Variants in CIT observed in about 807,000 individuals in gnomAD.
The protein encoded by CIT is citron rho-interacting serine/threonine kinase, also known as citron Rho-interacting kinase.
A neutral mutation model predicts 272.7 loss-of-function variants in CIT; 79 were observed. That is an observed-to-expected ratio of 0.29 (90% CI 0.24 to 0.35). CIT has a LOEUF of 0.35. Ranked by LOEUF, CIT falls within the 10% of genes least tolerant of loss-of-function variation. The pLI is 1.00. For synonymous variants in CIT, 948 were observed against 995.6 expected, an observed-to-expected ratio of 0.95 and a Z score of 0.90; for missense variants, 1,909 against 2,618.3, an observed-to-expected ratio of 0.73 and a Z score of 5.91.
chr12:119,860,193 TATA>T (rs1180229846), intron 3 of CIT, among the ~76,000 whole-genome samples: 1 of 152,082 alleles, frequency 6.6e-6, no homozygotes, highest in African/African-American at 2.4e-5. Flanking sequence ...GTCAGAGGCT[TATA>T]ATGAGTGCCG....
chr12:119,767,912 C>CTT (rs746988178), intron 18 of CIT, among the ~76,000 whole-genome samples: 2 of 136,256 alleles, frequency 1.5e-5, no homozygotes, highest in Non-Finnish European at 3.2e-5. Context: ...AAGTTTCCAG[C>CTT]TTTTTTTTTT....
chr12:119,708,127 T>C (rs1956971704), intron 40 of CIT, 52 bp downstream of exon 40: 10 of 1,451,110 alleles, frequency 6.9e-6, no homozygotes, highest in Non-Finnish European at 1.8e-6. Flanking sequence ...GGAAGAGAGG[T>C]AGTGTCAATT....
At chr12:119,849,828 G>A (rs1970083614) in intron 5 of CIT, among the ~76,000 whole-genome samples, 3 of 152,036 alleles carry the variant, frequency 2.0e-5, no homozygotes, top group Admixed American at 6.6e-5. Flanking sequence ...TGGGACTACA[G>A]GCACCCGACA....
At chr12:119,855,170 C>G (rs190055920) in intron 4 of CIT, among the ~76,000 whole-genome samples, 46 of 152,192 alleles carry the variant, frequency 3.0e-4, no homozygotes, top group Middle Eastern at 3.4e-3. Flanking sequence ...CACCTGTAAT[C>G]CCAGCACTTT....
In CIT at chr12:119,714,207, G is replaced by A. The variant is rs775044009; in HGVS notation, c.4296C>T (p.Ser1432=). ...AACTACTGATCTTACCGAGACATTT[G>A]GATGCCTGGCGTCCAAAGTGCACGG... is the stretch of plus-strand genomic sequence containing the variant. ...LDTVHFGRQA[S]KCLECQVMCH... Residue 1432 remains serine, a synonymous_variant, in exon 33 of 48, where the codon TCC becomes TCT. Transcript: ENST00000392521. 3.8e-5 allele frequency: 61 copies of A among 1,614,122 alleles called. No individual in the cohort carries two copies. The South Asian group carries it at 6.3e-4, about 17-fold the overall frequency.
chr12:119,833,034 CGAAA>C (rs1042854652), intron 6 of CIT, among the ~76,000 whole-genome samples, 170 bp from the exon 7 acceptor site: 4 of 149,048 alleles, frequency 2.7e-5, no homozygotes, highest in African/African-American at 9.9e-5. Flanking sequence ...TGAATTTAAC[CGAAA>C]GGAAGGAAGG....
intron 13 of CIT, among the ~76,000 whole-genome samples, chr12:119,780,699 T>C (rs1189066527): frequency 6.6e-6 from 1 of 152,218 alleles, no homozygotes; most frequent in Non-Finnish European, 1.5e-5. Flanking sequence ...AAAATCAATA[T>C]GCCACAAACT....
In CIT at chr12:119,712,114, A is replaced by G; in HGVS notation, c.4854+64T>C. ...AATGGCCAATGGGATTCTCGTCGTT[A>G]ACACCAGTTACCAAGTCAGCCCCCT... is the stretch of plus-strand genomic sequence containing the variant. On this transcript the variant is annotated intron_variant, in intron 37 of 47. Coordinates refer to ENST00000392521, the MANE Select transcript of CIT (RefSeq NM_001206999.2). The surrounding 1 kb of genome is among the most constrained non-coding windows in gnomAD (Gnocchi z 5.2). The G allele has an allele frequency of 6.8e-7, 1 of 1,477,538 alleles. No homozygotes were observed. The highest frequency in any genetic ancestry group is 2.3e-5 in the East Asian group (1 of 43,544). 91.5% of individuals were successfully genotyped at this position (1,477,538 alleles called of 1,614,324 possible). A position where few individuals can be genotyped will look rare whatever the true frequency, so the allele number is the denominator to read the frequency against.
At chr12:119,723,934 G>A (rs1434193191) in intron 28 of CIT, among the ~76,000 whole-genome samples, 1 of 152,178 alleles carries the variant, frequency 6.6e-6, no homozygotes, top group Non-Finnish European at 1.5e-5. Flanking sequence ...ACTCTCTGTG[G>A]AAAGACAAAT....
At position 119,804,725 on chromosome 12, in the gene CIT, G is replaced by C. The variant is rs1274621658; in HGVS notation, c.1112-1336C>G. On this transcript the variant is annotated intron_variant, in intron 9 of 47. Transcript: ENST00000392521. This position sits in a 1 kb window ranked among gnomAD's most constrained non-coding sequence, Gnocchi z 5.3. Reference sequence around the variant, plus strand: ...TCCAAGTGGCGCTGGGAAGTAATTGGAGCAGGAAAGGGATGTGGAGGGGAG... The same window carrying C: ...TCCAAGTGGCGCTGGGAAGTAATTGCAGCAGGAAAGGGATGTGGAGGGGAG... 6.6e-6 allele frequency among the ~76,000 whole-genome samples: 1 copy of C among 152,198 alleles called. No homozygotes were observed. Among genetic ancestry groups the C allele is most frequent in the Non-Finnish European group, 1.5e-5 (1 of 68,040 alleles).
Position 119,690,638 on chromosome 12 carries a change from G to A in CIT, c.5883-184C>T, listed in dbSNP as rs1042477495. 6.6e-6 allele frequency among the ~76,000 whole-genome samples: 1 copy of A among 152,242 alleles called. No individual in the cohort carries two copies. Among genetic ancestry groups the A allele is most frequent in the African/African-American group, 2.4e-5 (1 of 41,464 alleles). The stretch of plus-strand genomic sequence containing the variant: ...TAGCAAAGACAGGGAAGAGAGCAAA[G>A]ATGGCAACAAAAGACAACCCACCTT... On this transcript the variant is annotated intron_variant, in intron 46 of 47. Transcript: ENST00000392521. The surrounding 1 kb of genome is among the most constrained non-coding windows in gnomAD (Gnocchi z 6.0).
At chr12:119,855,518 C>T (rs757167235) in intron 4 of CIT, among the ~76,000 whole-genome samples, 36 of 152,152 alleles carry the variant, frequency 2.4e-4, no homozygotes, top group Non-Finnish European at 4.1e-4. Flanking sequence ...CTCTCCCAGG[C>T]GGCAGGCCTT....
intron 44 of CIT, 69 bp downstream of exon 44, chr12:119,700,676 C>T (rs756061690): frequency 3.1e-5 from 40 of 1,302,966 alleles, no homozygotes; most frequent in South Asian, 1.4e-4. Context: ...CCACCGCACC[C>T]GGATGCAATT....
At chr12:119,702,033 T>C in intron 41 of CIT, 75 bp from the exon 42 acceptor site, 1 of 1,086,874 alleles carries the variant, frequency 9.2e-7, no homozygotes, top group Non-Finnish European at 1.4e-6. Flanking sequence ...GTTCTGCTTC[T>C]GCCTACAGCA....
chr12:119,791,789 T>C (rs1965331405), intron 10 of CIT, among the ~76,000 whole-genome samples: 1 of 152,224 alleles, frequency 6.6e-6, no homozygotes, highest in Non-Finnish European at 1.5e-5. Context: ...CTCCCTGATA[T>C]ACACATCTGC....
chr12:119,756,156 G>A (rs947522734), intron 22 of CIT, among the ~76,000 whole-genome samples: 27 of 152,350 alleles, frequency 1.8e-4, no homozygotes, highest in African/African-American at 2.6e-4. Flanking sequence ...AAACCAGTAA[G>A]GAGTGGAGGT....
chr12:119,792,043 G>C (rs1403992244), intron 10 of CIT, among the ~76,000 whole-genome samples: 3 of 152,044 alleles, frequency 2.0e-5, no homozygotes, highest in African/African-American at 4.8e-5. Flanking sequence ...ACTTAATAGG[G>C]CTATGAATAA....
Position 119,728,690 on chromosome 12 carries a change from C to A in CIT, c.3487-84G>T. The A allele has an allele frequency of 1.1e-6, 1 of 943,162 alleles. No homozygotes were observed. The highest frequency in any genetic ancestry group is 1.6e-6 in the Non-Finnish European group (1 of 608,400). 58.4% of individuals were successfully genotyped at this position (943,162 alleles called of 1,614,324 possible). The stretch of plus-strand genomic sequence containing the variant: ...GTTTATGAATGTCCACGAACCTTCA[C>A]GGAGAAAGAATATTGAGTTCTAAAG... On this transcript the variant is annotated intron_variant, in intron 27 of 47. Coordinates refer to ENST00000392521, the MANE Select transcript of CIT (RefSeq NM_001206999.2). This position sits in a 1 kb window ranked among gnomAD's most constrained non-coding sequence, Gnocchi z 4.3.
At chr12:119,856,820 T>C (rs1457337205) in intron 4 of CIT, among the ~76,000 whole-genome samples, 2 of 152,200 alleles carry the variant, frequency 1.3e-5, no homozygotes, top group African/African-American at 4.8e-5. Flanking sequence ...AAGGTTGTTT[T>C]TAAACACTGA....
Sources: gnomAD v4.1 joint callset for allele counts (sites outside exome capture counted in the v4.1 genomes callset) on GRCh38, gnomAD v4.1.1 for gene constraint, Gnocchi (gnomAD v3.1) non-coding constraint, MANE v1.5 for transcripts, NCBI Gene and HGNC (gene_info 2026-07-23, HGNC 2026-07-21) for gene names.